The following RAB10 variants were observed in gnomAD, a reference collection of about 807,000 sequenced individuals.
The protein encoded by RAB10 is ras-related protein Rab-10.
Under a neutral mutation model 25.7 loss-of-function variants are expected in RAB10, and 5 were observed. The observed-to-expected ratio is 0.19, with a 90% CI of 0.10 to 0.41. The LOEUF (loss-of-function observed/expected upper bound fraction) is 0.41, where lower values mean the gene tolerates loss of function less well. Among genes scored for constraint, RAB10 ranks in the 10% least tolerant of loss-of-function variants. The pLI, the probability that RAB10 is intolerant of heterozygous loss-of-function variation, is 1.00. For missense variants in RAB10, 103 were observed against 245.8 expected (o/e 0.42, Z 3.89); for synonymous variants, 89 against 86.4 (o/e 1.03, Z -0.16).
chr2:26,112,587 A>G (rs1667596634), intron 3 of RAB10, among the ~76,000 whole-genome samples: 1 of 152,152 alleles, frequency 6.6e-6, no homozygotes, highest in Admixed American at 6.5e-5. Flanking sequence ...AAACTGAGAA[A>G]CATACAACCC....
chr2:26,096,842 T>C (rs779737438), intron 1 of RAB10, among the ~76,000 whole-genome samples: 4 of 152,250 alleles, frequency 2.6e-5, no homozygotes, highest in African/African-American at 4.8e-5. Context: ...ATAATTTCTT[T>C]TTTGACCATG....
Position 26,137,432 on chromosome 2 carries a change from A to G in RAB10, c.*2411A>G, listed in dbSNP as rs1158541972. On this transcript the variant is annotated 3_prime_UTR_variant, in exon 6 of 6. Coordinates refer to ENST00000264710, the MANE Select transcript of RAB10 (RefSeq NM_016131.5). ...TTCTAGATGGTCTACTTCTGTTCAT[A>G]TAAAAACAAAACTTGATTTCCAGCT... 1 of 152,662 alleles carries G rather than the reference A, an allele frequency of 6.6e-6. No homozygotes were observed. Among genetic ancestry groups the G allele is most frequent in the African/African-American group, 2.4e-5 (1 of 41,468 alleles). 9.5% of individuals were successfully genotyped at this position (152,662 alleles called of 1,614,324 possible). A position where few individuals can be genotyped will look rare whatever the true frequency, so the allele number is the denominator to read the frequency against.
chr2:26,132,539 C>T (rs909999288), intron 5 of RAB10, among the ~76,000 whole-genome samples: 6 of 152,228 alleles, frequency 3.9e-5, no homozygotes, highest in Non-Finnish European at 8.8e-5. Flanking sequence ...AGGCGTGAGC[C>T]ACCACGCGTG....
chr2:26,042,822 A>C (rs1318638051), intron 1 of RAB10: 3 of 152,236 alleles, frequency 2.0e-5, no homozygotes, highest in African/African-American at 7.2e-5. Context: ...TTCTCCAAAG[A>C]AGCTAAGCAG....
chr2:26,097,553 C>T (rs1356738137), intron 1 of RAB10, among the ~76,000 whole-genome samples: 1 of 152,216 alleles, frequency 6.6e-6, no homozygotes, highest in Non-Finnish European at 1.5e-5. Context: ...GCTGGGATTA[C>T]AGGCGTGAGC....
At chr2:26,078,466 T>G (rs1666786473) in intron 1 of RAB10, among the ~76,000 whole-genome samples, 1 of 152,210 alleles carries the variant, frequency 6.6e-6, no homozygotes. Context: ...TGAGAACAGA[T>G]GTACAGATCA....
At chr2:26,129,847 A>G (rs1463077644) in intron 5 of RAB10, among the ~76,000 whole-genome samples, 1 of 152,242 alleles carries the variant, frequency 6.6e-6, no homozygotes, top group Non-Finnish European at 1.5e-5. Context: ...AGAGGCTGAC[A>G]GCAATTAAAA....
chr2:26,050,514 G>A (rs1230732684), intron 1 of RAB10, among the ~76,000 whole-genome samples: 1 of 152,024 alleles, frequency 6.6e-6, no homozygotes, highest in East Asian at 1.9e-4. Context: ...GCCTTTCCAG[G>A]TCCTTCCAAC....
Position 26,135,862 on chromosome 2 carries a change from A to C in RAB10, c.*841A>C, listed in dbSNP as rs1457339274. On this transcript the variant is annotated 3_prime_UTR_variant, in exon 6 of 6. Coordinates refer to ENST00000264710, the MANE Select transcript of RAB10 (RefSeq NM_016131.5). ...TATTTAAGAGTGAAAGGGACAAACT[A>C]GTAGGTTTGTCAAGTTTAATATAAA... is the stretch of plus-strand genomic sequence containing the variant. 7 of 152,584 alleles carry C rather than the reference A, an allele frequency of 4.6e-5. No individual in the cohort carries two copies. Among genetic ancestry groups the C allele is most frequent in the African/African-American group, 1.7e-4 (7 of 41,422 alleles). The allele number at this position is 152,584 out of a possible 1,614,324, so 9.5% of individuals were successfully genotyped here.
chr2:26,093,095 C>G (rs758563283), intron 1 of RAB10, among the ~76,000 whole-genome samples: 2 of 151,996 alleles, frequency 1.3e-5, no homozygotes, highest in Non-Finnish European at 2.9e-5. Flanking sequence ...GGTGTTAAAC[C>G]ATTTCTTGGT....
intron 3 of RAB10, among the ~76,000 whole-genome samples, chr2:26,114,783 T>C (rs1260757489): frequency 1.3e-5 from 2 of 148,896 alleles, no homozygotes; most frequent in African/African-American, 5.1e-5. Flanking sequence ...TATGCACTTG[T>C]AGTTCCAGCT....
At chr2:26,049,350 G>T (rs10170359) in intron 1 of RAB10, among the ~76,000 whole-genome samples, 121,926 of 151,612 alleles carry the variant, frequency 0.8, 49,069 homozygotes, top group East Asian at 0.87. Context: ...GAATGAAAAT[G>T]GACTTAGTGG....
intron 1 of RAB10, among the ~76,000 whole-genome samples, chr2:26,042,210 C>T (rs1006036971): frequency 1.3e-5 from 2 of 152,130 alleles, no homozygotes; most frequent in African/African-American, 4.8e-5. Context: ...TGGAGTCTCT[C>T]GGCTCCATGT....
At chr2:26,084,631 A>C (rs1435251258) in intron 1 of RAB10, among the ~76,000 whole-genome samples, 1 of 152,188 alleles carries the variant, frequency 6.6e-6, no homozygotes, top group African/African-American at 2.4e-5. Context: ...CATGGAATTC[A>C]TCCCTCAGCC....
In RAB10 at chr2:26,083,590, A is replaced by T. The variant is rs569804558; in HGVS notation, c.128-15072A>T. 6.6e-5 allele frequency among the ~76,000 whole-genome samples: 10 copies of T among 152,194 alleles called. No homozygotes were observed. The South Asian group carries it at 2.1e-3, about 32-fold the overall frequency. On this transcript the variant is annotated intron_variant, in intron 1 of 5. Coordinates refer to ENST00000264710, the MANE Select transcript of RAB10 (RefSeq NM_016131.5). Reference sequence around the variant, plus strand: ...GCAATTCTTATGCCACAGCCTCTGCAGTAGCCGGGATTACAAGTGTGTGCC... The same window carrying T: ...GCAATTCTTATGCCACAGCCTCTGCTGTAGCCGGGATTACAAGTGTGTGCC...
At chr2:26,066,856 C>T (rs1337492539) in intron 1 of RAB10, among the ~76,000 whole-genome samples, 3 of 148,626 alleles carry the variant, frequency 2.0e-5, no homozygotes, top group African/African-American at 7.5e-5. Flanking sequence ...AATCTCGGCT[C>T]ACTGCAGCCT....
intron 1 of RAB10, among the ~76,000 whole-genome samples, chr2:26,077,945 C>T (rs890931070): frequency 3.9e-5 from 6 of 152,044 alleles, no homozygotes; most frequent in Admixed American, 6.6e-5. Context: ...CGCCACTGCA[C>T]TCCAGCCTGG....
chr2:26,123,747 C>A (rs1410437721), intron 3 of RAB10, among the ~76,000 whole-genome samples: 4 of 152,166 alleles, frequency 2.6e-5, no homozygotes, highest in African/African-American at 9.7e-5. Context: ...TTTAGACTTA[C>A]TGTACAACAT....
chr2:26,123,781 T>C (rs1223112850), intron 3 of RAB10, among the ~76,000 whole-genome samples: 1 of 152,240 alleles, frequency 6.6e-6, no homozygotes, highest in Non-Finnish European at 1.5e-5. Flanking sequence ...ATACAGGCAC[T>C]GAAACTGAAG....
Sources: allele counts gnomAD v4.1 joint callset (sites outside exome capture counted in the v4.1 genomes callset), GRCh38; gene constraint gnomAD v4.1.1; transcripts MANE v1.5; gene names NCBI Gene and HGNC (gene_info 2026-07-23, HGNC 2026-07-21).